MYLK4: variants seen among roughly 807,000 people sequenced by gnomAD.
MYLK4 encodes the protein caMLCK like.
MYLK4 carries 46 observed loss-of-function variants against 48.1 expected under a neutral mutation model. That is an observed-to-expected ratio of 0.96 (90% CI 0.75 to 1.22). The LOEUF (loss-of-function observed/expected upper bound fraction) is 1.22. Ranked by LOEUF, MYLK4 falls within the 50% of genes most tolerant of loss-of-function variation. The pLI, the probability that MYLK4 is intolerant of heterozygous loss-of-function variation, is 0.00. For missense variants in MYLK4, 451 were observed against 486.1 expected (o/e 0.93, Z 0.68); for synonymous variants, 170 against 180.8 (o/e 0.94, Z 0.48).
At chr6:2,699,555 C>T (rs890287172) in intron 2 of MYLK4, among the ~76,000 whole-genome samples, 5 of 151,808 alleles carry the variant, frequency 3.3e-5, no homozygotes, top group South Asian at 2.1e-4. Flanking sequence ...CCTCGGCCTC[C>T]CAAAGTGCTG....
At chr6:2,668,624 T>C (rs1760755962) in intron 12 of MYLK4, among the ~76,000 whole-genome samples, 7 of 152,212 alleles carry the variant, frequency 4.6e-5, no homozygotes, top group Admixed American at 4.6e-4. Context: ...TCAAATTTGG[T>C]TTCCATCATA....
chr6:2,731,149 C>T (rs1382330260), intron 2 of MYLK4, among the ~76,000 whole-genome samples: 1 of 152,086 alleles, frequency 6.6e-6, no homozygotes, highest in Non-Finnish European at 1.5e-5. Flanking sequence ...ACTAAAAATA[C>T]AGCAACAGTA....
At chr6:2,705,903 C>A (rs1300081913) in intron 2 of MYLK4, among the ~76,000 whole-genome samples, 5 of 127,586 alleles carry the variant, frequency 3.9e-5, no homozygotes, top group Non-Finnish European at 8.3e-5. Context: ...ATTATGTAAT[C>A]CATTTGAATT....
chr6:2,769,995 G>T, the MYLK4 span: 1 of 1,362,636 alleles, frequency 7.3e-7, no homozygotes, highest in Admixed American at 2.0e-5. Context: ...ATATAAGGCT[G>T]CTGCTATTCC....
chr6:2,692,421 A>G (rs1416651264), intron 3 of MYLK4, among the ~76,000 whole-genome samples: 1 of 152,150 alleles, frequency 6.6e-6, no homozygotes, highest in African/African-American at 2.4e-5. Flanking sequence ...TCTTCTGGGT[A>G]GATCTCTCTA....
rs148551907 is a variant in MYLK4 at position 2,692,836 on chromosome 6, G to A, written c.183C>T (p.Ala61=). The change falls in exon 3 of 13, where the codon GCC becomes GCT. Residue 61 remains alanine (A), a synonymous_variant. Coordinates refer to ENST00000274643, the MANE Select transcript of MYLK4 (RefSeq NM_001012418.5). Reference sequence around the variant, plus strand: ...TGACGGGCATCCTTTCCGTCAGGTCGGCGTTTGACCACACCTCCTTCGCCT... The same window carrying A: ...TGACGGGCATCCTTTCCGTCAGGTCAGCGTTTGACCACACCTCCTTCGCCT... ...HNEAKEVWSN[A]DLTERMPVKS... The A allele has an allele frequency of 8.8e-4, 1,414 of 1,613,510 alleles. 1 individual carries two copies. Among genetic ancestry groups the A allele is most frequent in the Non-Finnish European group, 1.0e-3 (1,227 of 1,179,812 alleles).
In MYLK4 at chr6:2,664,402, C is replaced by A. The variant is rs531344556; in HGVS notation, c.*3523G>T. On this transcript the variant is annotated 3_prime_UTR_variant, in exon 13 of 13. Transcript: ENST00000274643. ...CAGCCCTCCAGGGGCCTGATGCTGC[C>A]TCTCACTTGTGCTTTTACAAGCGGA... 11 of 152,310 alleles carry A rather than the reference C, an allele frequency of 7.2e-5. No homozygotes were observed. Among genetic ancestry groups the A allele is most frequent in the African/African-American group, 2.6e-4 (11 of 41,552 alleles). 9.4% of individuals were successfully genotyped at this position (152,310 alleles called of 1,614,324 possible). A position where few individuals can be genotyped will look rare whatever the true frequency, so the allele number is the denominator to read the frequency against.
At chr6:2,723,684 A>C (rs1763148580) in intron 2 of MYLK4, among the ~76,000 whole-genome samples, 1 of 152,166 alleles carries the variant, frequency 6.6e-6, no homozygotes, top group Non-Finnish European at 1.5e-5. Flanking sequence ...CTCAGGTAGA[A>C]GTGGTCGGGC....
At chr6:2,768,947 C>T in the MYLK4 span, 18 of 1,484,008 alleles carry the variant, frequency 1.2e-5, no homozygotes, top group Non-Finnish European at 1.6e-5. Context: ...TGTGTGAGAT[C>T]ACTATACAAA....
At chr6:2,766,435 C>G in the MYLK4 span, 13 of 1,563,698 alleles carry the variant, frequency 8.3e-6, no homozygotes, top group Middle Eastern at 3.4e-4. Flanking sequence ...GGCCGCCGGG[C>G]TGCGGCAAGG....
intron 2 of MYLK4, among the ~76,000 whole-genome samples, chr6:2,694,123 A>G (rs898945362): frequency 3.5e-4 from 53 of 152,118 alleles, no homozygotes; most frequent in African/African-American, 1.3e-3. Flanking sequence ...CGTTTTTTAG[A>G]TGGTGAACTT....
chr6:2,766,858 G>T, the MYLK4 span, among the ~76,000 whole-genome samples: 1 of 151,828 alleles, frequency 6.6e-6, no homozygotes, highest in Non-Finnish European at 1.5e-5. Flanking sequence ...CATAATAACG[G>T]ATTCAGCTTT....
chr6:2,688,279 G>C (rs1025912637), intron 4 of MYLK4, among the ~76,000 whole-genome samples: 1 of 152,034 alleles, frequency 6.6e-6, no homozygotes, highest in South Asian at 2.1e-4. Flanking sequence ...GGATGGTCTC[G>C]AACTCCTGAC....
intron 7 of MYLK4, among the ~76,000 whole-genome samples, chr6:2,680,743 A>C (rs1761268633): frequency 6.6e-6 from 1 of 152,196 alleles, no homozygotes; most frequent in Non-Finnish European, 1.5e-5. Context: ...CTGAACATGC[A>C]CTGTCACGTG....
At chr6:2,769,540 T>A in the MYLK4 span, among the ~76,000 whole-genome samples, 2 of 152,170 alleles carry the variant, frequency 1.3e-5, no homozygotes, top group African/African-American at 4.8e-5. Context: ...ACATAGAATA[T>A]TTCACAAAAC....
At chr6:2,768,657 G>C in the MYLK4 span, 6 of 1,555,120 alleles carry the variant, frequency 3.9e-6, no homozygotes, top group South Asian at 7.3e-5. Flanking sequence ...TGTCTTACCA[G>C]CTTTTCAAAC....
chr6:2,735,110 T>A (rs1763623387), intron 2 of MYLK4, among the ~76,000 whole-genome samples: 1 of 152,248 alleles, frequency 6.6e-6, no homozygotes, highest in Non-Finnish European at 1.5e-5. Context: ...AACTTCAGAA[T>A]TTGGGCAATG....
chr6:2,682,041 A>C (rs1582036130), intron 7 of MYLK4, among the ~76,000 whole-genome samples: 1 of 152,208 alleles, frequency 6.6e-6, no homozygotes, highest in Admixed American at 6.5e-5. Flanking sequence ...CCTGCTCAAA[A>C]GTGAATGGGA....
chr6:2,726,064 C>T (rs1464333455), intron 2 of MYLK4, among the ~76,000 whole-genome samples: 8 of 152,102 alleles, frequency 5.3e-5, no homozygotes, highest in Non-Finnish European at 4.4e-5. Flanking sequence ...AAGCAGTGGC[C>T]AACAGCGCTG....
Sources: allele counts gnomAD v4.1 joint callset (sites outside exome capture counted in the v4.1 genomes callset), GRCh38; gene constraint gnomAD v4.1.1; transcripts MANE v1.5; gene names NCBI Gene and HGNC (gene_info 2026-07-23, HGNC 2026-07-21).